The following MME variants were observed in gnomAD, a reference collection of about 807,000 sequenced individuals.
The protein encoded by MME is neprilysin.
MME carries 98 observed loss-of-function variants against 113.2 expected under a neutral mutation model. That is an observed-to-expected ratio of 0.87 (90% confidence interval 0.74 to 1.02). MME has a LOEUF of 1.02. MME is among the 50% of genes least tolerant of loss of function. MME has a pLI of 0.00. For missense variants in MME, 836 were observed against 896.0 expected, an observed-to-expected ratio of 0.93 and a Z score of 0.86; for synonymous variants, 292 against 300.6, an observed-to-expected ratio of 0.97 and a Z score of 0.30.
chr3:155,057,623 G>A (rs60197267), intron 1 of MME, among the ~76,000 whole-genome samples: 8,054 of 151,718 alleles, frequency 0.053, 626 homozygotes, highest in African/African-American at 0.17. Context: ...TAGGGAGTGA[G>A]TTACATTTTA....
intron 3 of MME, among the ~76,000 whole-genome samples, chr3:155,098,016 AC>A (rs1343220579): frequency 2.6e-5 from 4 of 152,198 alleles, no homozygotes; most frequent in Non-Finnish European, 5.9e-5. Context: ...AGAGTGAGCA[AC>A]ACAATGTCCC....
In MME at chr3:155,172,591, T is replaced by C. The variant is rs891036547; in HGVS notation, c.2132T>C (p.Val711Ala). The change falls in exon 22 of 23, where the codon GTG becomes GCG. Residue 711 changes from valine (V) to alanine (A), a missense_variant. Coordinates refer to ENST00000360490, the MANE Select transcript of MME (RefSeq NM_007289.4). ...EYAVNSIKTD[V>A]HSPGNFRIIG... ...GCGGTTAACTCCATTAAAACAGATG[T>C]GCACAGTCCAGGCAATTTCAGGTGC... 1 of 1,612,996 alleles carries C rather than the reference T, an allele frequency of 6.2e-7. No homozygotes were observed. Among genetic ancestry groups the C allele is most frequent in the Non-Finnish European group, 8.5e-7 (1 of 1,179,132 alleles).
At chr3:155,066,062 G>C (rs561382743) in intron 1 of MME, among the ~76,000 whole-genome samples, 7 of 152,280 alleles carry the variant, frequency 4.6e-5, no homozygotes, top group African/African-American at 1.7e-4. Context: ...GACAATTCTA[G>C]ATGTCGTCTA....
At chr3:155,162,224 G>C (rs945874532) in intron 17 of MME, among the ~76,000 whole-genome samples, 5 of 152,152 alleles carry the variant, frequency 3.3e-5, no homozygotes, top group Non-Finnish European at 7.3e-5. Context: ...CTCTAGAGTA[G>C]GCTCAGGCAT....
intron 1 of MME, among the ~76,000 whole-genome samples, chr3:155,064,314 T>TAAC (rs898953377): frequency 7.6e-4 from 115 of 152,128 alleles, no homozygotes; most frequent in African/African-American, 2.6e-3. Context: ...ATATATAATA[T>TAAC]AACAAATATA....
rs114051413 is a variant in MME, at chr3:155,163,298, G to A, written c.1660+2850G>A. 5.1e-3 allele frequency among the ~76,000 whole-genome samples: 773 copies of A among 152,166 alleles called. 6 individuals carry two copies. The highest frequency in any genetic ancestry group is 0.017 in the African/African-American group (726 of 41,520). On this transcript the variant is annotated intron_variant, in intron 17 of 22. Coordinates refer to ENST00000360490, the MANE Select transcript of MME (RefSeq NM_007289.4). ...AAAAAAGAACTTGTTTTGTTATATA[G>A]AGACTTACTCATATCAATAATTTCT...
rs886740668 is a variant in MME, at chr3:155,142,182, AG to A, written c.1095-54del. 4 of 1,613,196 alleles carry A rather than the reference AG, an allele frequency of 2.5e-6. No individual in the cohort carries two copies. The African/African-American group carries it at 5.3e-5, about 22-fold the overall frequency. ...AAGTTTGCATTTCATATCACTCTTC[AG>A]AAGCTTTGCAGCCTCATCTTTTCTG... On this transcript the variant is annotated intron_variant, in intron 11 of 22. Coordinates refer to ENST00000360490, the MANE Select transcript of MME (RefSeq NM_007289.4).
chr3:155,086,995 G>GTTTTTTTTTTTTTTTT, intron 3 of MME, among the ~76,000 whole-genome samples: 1 of 65,494 alleles, frequency 1.5e-5, no homozygotes, highest in Non-Finnish European at 3.2e-5. Context: ...TGTTTTTTTT[G>GTTTTTTTTTTTTTTTT]TTTTTTTTTG....
At chr3:155,082,599 A>C (rs777186352) in intron 1 of MME, among the ~76,000 whole-genome samples, 37 of 152,200 alleles carry the variant, frequency 2.4e-4, no homozygotes, top group Non-Finnish European at 4.1e-4. Flanking sequence ...ACATTTTAAC[A>C]TTCAGGTACA....
chr3:155,144,796 C>T (rs1461546470), intron 14 of MME, among the ~76,000 whole-genome samples: 1 of 152,096 alleles, frequency 6.6e-6, no homozygotes, highest in Admixed American at 6.6e-5. Context: ...TAATGTGCAG[C>T]TTTTATTGAG....
At chr3:155,065,458 A>T (rs539268546) in intron 1 of MME, among the ~76,000 whole-genome samples, 18 of 152,350 alleles carry the variant, frequency 1.2e-4, no homozygotes, top group Admixed American at 6.5e-4. Context: ...AGATATAAAG[A>T]CAAATGGAGA....
chr3:155,063,662 C>CATATTAT (rs1194893716), intron 1 of MME, among the ~76,000 whole-genome samples: 11 of 91,568 alleles, frequency 1.2e-4, no homozygotes, highest in African/African-American at 4.9e-4. Flanking sequence ...GATTATATAA[C>CATATTAT]ATATTATATA....
intron 3 of MME, among the ~76,000 whole-genome samples, chr3:155,087,997 T>G (rs2118073): frequency 0.12 from 17,506 of 152,180 alleles, 1,080 homozygotes; most frequent in Non-Finnish European, 0.15. Context: ...GCAGGATGTA[T>G]CTTGGCAGAG....
chr3:155,140,753 A>T (rs1338238881), intron 10 of MME, among the ~76,000 whole-genome samples: 1 of 152,060 alleles, frequency 6.6e-6, no homozygotes, highest in Non-Finnish European at 1.5e-5. Flanking sequence ...AGAAACTCCC[A>T]TAGGAAGGGG....
At chr3:155,179,814 T>C (rs1712902405) in intron 22 of MME, among the ~76,000 whole-genome samples, 2 of 152,336 alleles carry the variant, frequency 1.3e-5, no homozygotes, top group South Asian at 4.1e-4. Flanking sequence ...ATCCAGCTTC[T>C]GATATTTAAG....
At chr3:155,167,733 T>A (rs76832623) in intron 18 of MME, among the ~76,000 whole-genome samples, 3,274 of 152,242 alleles carry the variant, frequency 0.022, 74 homozygotes, top group East Asian at 0.13. Context: ...ACTTACTAAG[T>A]GTCTATTAAC....
At chr3:155,056,867 T>C (rs897707857) in intron 1 of MME, among the ~76,000 whole-genome samples, 20 of 152,170 alleles carry the variant, frequency 1.3e-4, no homozygotes, top group Non-Finnish European at 2.2e-4. Context: ...ATTTAATAAA[T>C]GGTGTTGGGA....
At chr3:155,087,297 G>A (rs1443108159) in intron 3 of MME, among the ~76,000 whole-genome samples, 1 of 148,612 alleles carries the variant, frequency 6.7e-6, no homozygotes, top group Non-Finnish European at 1.5e-5. Context: ...TTTGCTCTGG[G>A]TCACAAGAGC....
chr3:155,047,145 T>A (rs1252012593), intron 1 of MME, among the ~76,000 whole-genome samples: 3 of 152,246 alleles, frequency 2.0e-5, no homozygotes, highest in South Asian at 2.1e-4. Context: ...GCAAGTTCCA[T>A]TCAAGGTATG....
Sources: allele counts gnomAD v4.1 joint callset (sites outside exome capture counted in the v4.1 genomes callset), GRCh38; gene constraint gnomAD v4.1.1; transcripts MANE v1.5; gene names NCBI Gene and HGNC (gene_info 2026-07-23, HGNC 2026-07-21).